Variants in DISP1 observed in about 807,000 individuals in gnomAD.
DISP1 encodes the protein protein dispatched homolog 1.
Under a neutral mutation model 37.3 loss-of-function variants are expected in DISP1, and 30 were observed. The observed-to-expected ratio is 0.80, with a 90% CI of 0.60 to 1.09. The LOEUF (loss-of-function observed/expected upper bound fraction) is 1.09. DISP1 is among the 50% of genes least tolerant of loss of function. The pLI, the probability that DISP1 is intolerant of heterozygous loss-of-function variation, is 0.00. For synonymous variants in DISP1, 634 were observed against 690.2 expected (o/e 0.92, Z 1.28); for missense variants, 1,598 against 1,879.5 (o/e 0.85, Z 2.77).
chr1:222,984,947 T>C (rs529893495), intron 4 of DISP1, among the ~76,000 whole-genome samples: 2 of 152,362 alleles, frequency 1.3e-5, no homozygotes, highest in Admixed American at 6.5e-5. Context: ...GGTTCATTCA[T>C]GTAGCATGTA....
At chr1:222,914,018 T>A (rs573736102) in intron 1 of DISP1, among the ~76,000 whole-genome samples, 545 of 150,620 alleles carry the variant, frequency 3.6e-3, no homozygotes, top group Admixed American at 7.3e-3. Context: ...TTTTTTTTTT[T>A]AACCCAAGCT....
chr1:222,901,762 A>G (rs1204564983), intron 1 of DISP1, among the ~76,000 whole-genome samples: 17 of 152,168 alleles, frequency 1.1e-4, no homozygotes, highest in Admixed American at 1.1e-3. Flanking sequence ...CCTGACTTCC[A>G]GTGATCCACC....
intron 3 of DISP1, among the ~76,000 whole-genome samples, chr1:222,968,911 C>G (rs944426667): frequency 6.6e-6 from 1 of 151,450 alleles, no homozygotes; most frequent in Non-Finnish European, 1.5e-5. Flanking sequence ...CCAGCCTGGG[C>G]GACAAGAGCA....
chr1:222,966,169 TTAAG>T (rs1366782971), intron 3 of DISP1, among the ~76,000 whole-genome samples: 6 of 152,328 alleles, frequency 3.9e-5, no homozygotes, highest in Non-Finnish European at 7.3e-5. Context: ...TTTATTACAC[TTAAG>T]TAAGTATACC....
chr1:222,956,494 T>C (rs1675605927), intron 3 of DISP1, among the ~76,000 whole-genome samples: 1 of 152,240 alleles, frequency 6.6e-6, no homozygotes, highest in Non-Finnish European at 1.5e-5. Context: ...TAGAACTTTA[T>C]TTTGTTTTGG....
At chr1:222,841,660 A>T (rs2125291052) in intron 1 of DISP1, among the ~76,000 whole-genome samples, 1 of 152,290 alleles carries the variant, frequency 6.6e-6, no homozygotes, top group Admixed American at 6.5e-5. Context: ...AAATGGTAAT[A>T]TTCACTGTAC....
chr1:222,988,133 A>G (rs1464120847), intron 4 of DISP1, among the ~76,000 whole-genome samples: 14 of 152,204 alleles, frequency 9.2e-5, no homozygotes, highest in Admixed American at 6.5e-5. Flanking sequence ...AATTATTCTA[A>G]AAGGTTATTC....
At chr1:222,933,668 A>G (rs766023256) in intron 2 of DISP1, among the ~76,000 whole-genome samples, 65 of 151,972 alleles carry the variant, frequency 4.3e-4, no homozygotes, top group Non-Finnish European at 8.1e-4. Flanking sequence ...TTATTTTTGT[A>G]TAGGCCTTTG....
chr1:222,893,804 T>C lies in DISP1; in HGVS notation c.-158-34626T>C, dbSNP rs1671078911. On this transcript the variant is annotated intron_variant, in intron 1 of 8. Transcript: ENST00000675850. The surrounding 1 kb of genome is among the most constrained non-coding windows in gnomAD (Gnocchi z 4.3). ...GTTGCCCACAACGTGGCTAATGGAG[T>C]GGGGGCGTGTTTCAGCCCTGTTTGT... Among the ~76,000 whole-genome samples the C allele has an allele frequency of 6.6e-6, 1 of 151,932 alleles. No individual in the cohort carries two copies.
At chr1:222,994,319 A>AT (rs1260212244) in intron 7 of DISP1, among the ~76,000 whole-genome samples, 1 of 152,092 alleles carries the variant, frequency 6.6e-6, no homozygotes, top group East Asian at 1.9e-4. Flanking sequence ...TCAGAAACAT[A>AT]TTTTTTTGTT....
intron 2 of DISP1, among the ~76,000 whole-genome samples, chr1:222,937,337 G>A (rs1162938386): frequency 1.3e-5 from 2 of 151,698 alleles, no homozygotes; most frequent in East Asian, 1.9e-4. Context: ...TGATCCACCC[G>A]CCTCAGCCTC....
intron 3 of DISP1, among the ~76,000 whole-genome samples, chr1:222,978,206 T>C (rs1468222316): frequency 6.6e-6 from 1 of 152,236 alleles, no homozygotes; most frequent in Non-Finnish European, 1.5e-5. Context: ...TTTTTAATGA[T>C]TGCCATTCTA....
intron 1 of DISP1, among the ~76,000 whole-genome samples, chr1:222,912,021 T>C (rs938061977): frequency 6.6e-6 from 1 of 152,200 alleles, no homozygotes; most frequent in Non-Finnish European, 1.5e-5. Context: ...GAATATGTGG[T>C]TGCAGCAGCC....
chr1:222,904,565 T>A (rs114474761), intron 1 of DISP1, among the ~76,000 whole-genome samples: 11,602 of 148,744 alleles, frequency 0.078, 532 homozygotes, highest in East Asian at 0.24. Context: ...TTTTTTATTT[T>A]TTTATTTTAT....
intron 3 of DISP1, among the ~76,000 whole-genome samples, chr1:222,966,417 G>A (rs887867205): frequency 1.3e-5 from 2 of 152,116 alleles, no homozygotes; most frequent in African/African-American, 4.8e-5. Flanking sequence ...ATTGGAAAAG[G>A]TATTTCTAAA....
intron 1 of DISP1, among the ~76,000 whole-genome samples, chr1:222,826,702 T>A (rs1664543188): frequency 6.6e-6 from 1 of 152,192 alleles, no homozygotes; most frequent in Non-Finnish European, 1.5e-5. Flanking sequence ...ACTTTAAGAA[T>A]TTTTTAATGA....
intron 3 of DISP1, among the ~76,000 whole-genome samples, chr1:222,960,532 T>C (rs183650823): frequency 7.1e-4 from 108 of 152,234 alleles, no homozygotes; most frequent in African/African-American, 2.4e-3. Flanking sequence ...AGATGTCACA[T>C]TGACACCTTA....
intron 1 of DISP1, among the ~76,000 whole-genome samples, chr1:222,831,852 G>C (rs1259668221): frequency 6.6e-6 from 1 of 152,130 alleles, no homozygotes; most frequent in East Asian, 1.9e-4. Flanking sequence ...GGACATATAG[G>C]ACCTTGAGTA....
Position 222,837,255 on chromosome 1 carries a change from C to CA in DISP1, c.-159+22179dup, listed in dbSNP as rs1572293973. ...CAGCCTTGGATCCAGAGATGGACGC[C>CA]AATTGATGAAGACAGCAGAACTGAC... On this transcript the variant is annotated intron_variant, in intron 1 of 8. Coordinates refer to ENST00000675850, the MANE Select transcript of DISP1 (RefSeq NM_001377229.1). The CA allele has an allele frequency of 1.3e-5, 5 of 391,464 alleles. No individual in the cohort carries two copies. The East Asian group carries it at 1.8e-4, about 14-fold the overall frequency. The allele number at this position is 391,464 out of a possible 1,614,324, so 24.2% of individuals were successfully genotyped here.
Sources: gnomAD v4.1 joint callset for allele counts (sites outside exome capture counted in the v4.1 genomes callset) on GRCh38, gnomAD v4.1.1 for gene constraint, Gnocchi (gnomAD v3.1) non-coding constraint, MANE v1.5 for transcripts, NCBI Gene and HGNC (gene_info 2026-07-23, HGNC 2026-07-21) for gene names.